The following MICU3 variants were observed in gnomAD, a reference collection of about 807,000 sequenced individuals.
MICU3 encodes the protein calcium uptake protein 3, mitochondrial.
A neutral mutation model predicts 66.5 loss-of-function variants in MICU3; 62 were observed. The observed-to-expected ratio is 0.93, with a 90% CI of 0.76 to 1.15. MICU3 has a LOEUF of 1.15. MICU3 is among the 50% of genes most tolerant of loss of function. MICU3 has a pLI of 0.00. For missense variants in MICU3, 779 were observed against 664.4 expected (o/e 1.17, Z -1.90); for synonymous variants, 308 against 240.7 (o/e 1.28, Z -2.59).
intron 1 of MICU3, among the ~76,000 whole-genome samples, chr8:17,036,397 G>A (rs1055259158): frequency 1.2e-4 from 19 of 152,200 alleles, no homozygotes; most frequent in African/African-American, 3.4e-4. Context: ...AAGGGGACCC[G>A]AGCGGGTTGC....
chr8:17,063,051 T>C (rs2150626118), intron 1 of MICU3, among the ~76,000 whole-genome samples: 1 of 152,252 alleles, frequency 6.6e-6, no homozygotes, highest in African/African-American at 2.4e-5. Flanking sequence ...TATTATACAG[T>C]TAACAAAAAT....
chr8:17,075,397 G>A (rs931995515), intron 3 of MICU3, among the ~76,000 whole-genome samples: 2 of 152,162 alleles, frequency 1.3e-5, no homozygotes, highest in South Asian at 4.2e-4. Flanking sequence ...ATTCTTTCTG[G>A]TAAGCAGTTC....
the MICU3 span, among the ~76,000 whole-genome samples, chr8:17,136,334 C>T: frequency 6.6e-6 from 1 of 151,956 alleles, no homozygotes; most frequent in Non-Finnish European, 1.5e-5. Flanking sequence ...TATTGTAAAG[C>T]GATGTTGTTT....
intron 1 of MICU3, among the ~76,000 whole-genome samples, chr8:17,058,160 T>G (rs946723414): frequency 2.6e-5 from 4 of 152,236 alleles, no homozygotes; most frequent in East Asian, 3.8e-4. Context: ...AAGTTTTTAC[T>G]GCATTGGCAA....
chr8:17,060,641 A>C (rs879666837), intron 1 of MICU3, among the ~76,000 whole-genome samples: 1 of 152,028 alleles, frequency 6.6e-6, no homozygotes, highest in African/African-American at 2.4e-5. Flanking sequence ...TCCATTTTTC[A>C]TCTGAGTGGT....
intron 14 of MICU3, among the ~76,000 whole-genome samples, chr8:17,119,674 A>G (rs1803042664): frequency 6.6e-6 from 1 of 152,182 alleles, no homozygotes; most frequent in Non-Finnish European, 1.5e-5. Flanking sequence ...AACTGGTTAA[A>G]TAAGTTTCTT....
At chr8:17,047,439 C>T (rs1237107656) in intron 1 of MICU3, among the ~76,000 whole-genome samples, 2 of 152,140 alleles carry the variant, frequency 1.3e-5, no homozygotes, top group Non-Finnish European at 2.9e-5. Context: ...ATGAGAAAGG[C>T]AGTATCCCAA....
At chr8:17,084,284 G>A (rs908996811) in intron 5 of MICU3, among the ~76,000 whole-genome samples, 2 of 152,036 alleles carry the variant, frequency 1.3e-5, no homozygotes, top group African/African-American at 4.8e-5. Flanking sequence ...TATTAGAGAT[G>A]TTGTAAATTT....
At chr8:17,113,409 A>G (rs1161716109) in intron 11 of MICU3, among the ~76,000 whole-genome samples, 1 of 152,254 alleles carries the variant, frequency 6.6e-6, no homozygotes, top group Non-Finnish European at 1.5e-5. Flanking sequence ...CAACTGAAGT[A>G]ACAGCAGTGG....
At chr8:17,107,621 A>C (rs1585533998) in intron 11 of MICU3, among the ~76,000 whole-genome samples, 1 of 152,198 alleles carries the variant, frequency 6.6e-6, no homozygotes, top group Non-Finnish European at 1.5e-5. Context: ...GTATTGGAAC[A>C]CAGCCATTCT....
At chr8:17,130,035 A>T in the MICU3 span, among the ~76,000 whole-genome samples, 1 of 152,214 alleles carries the variant, frequency 6.6e-6, no homozygotes, top group African/African-American at 2.4e-5. Flanking sequence ...AATAATGGTT[A>T]TATAAAGACA....
At chr8:17,038,516 T>C (rs1237001532) in intron 1 of MICU3, among the ~76,000 whole-genome samples, 1 of 152,218 alleles carries the variant, frequency 6.6e-6, no homozygotes, top group East Asian at 1.9e-4. Context: ...GTCTCGGGTA[T>C]GTATTTATTA....
At chr8:17,035,283 G>A (rs1812771930) in intron 1 of MICU3, among the ~76,000 whole-genome samples, 1 of 152,200 alleles carries the variant, frequency 6.6e-6, no homozygotes. Context: ...ATGGATACTG[G>A]TAGAGGGGGG....
intron 1 of MICU3, among the ~76,000 whole-genome samples, chr8:17,054,767 T>A (rs1326715486): frequency 5.0e-5 from 7 of 139,078 alleles, no homozygotes; most frequent in Non-Finnish European, 9.2e-5. Context: ...TGAGACAGAG[T>A]CTTGCTCTGT....
At chr8:17,107,673 A>G (rs913498583) in intron 11 of MICU3, among the ~76,000 whole-genome samples, 4 of 152,182 alleles carry the variant, frequency 2.6e-5, no homozygotes, top group African/African-American at 9.7e-5. Context: ...TTACACTATA[A>G]TGGTAAAGTT....
chr8:17,045,111 A>G (rs957422600), intron 1 of MICU3, among the ~76,000 whole-genome samples: 1 of 152,114 alleles, frequency 6.6e-6, no homozygotes, highest in Non-Finnish European at 1.5e-5. Context: ...TGTTAGATGA[A>G]GCCTATAGTG....
chr8:17,136,499 A>G, the MICU3 span, among the ~76,000 whole-genome samples: 1 of 151,980 alleles, frequency 6.6e-6, no homozygotes, highest in African/African-American at 2.4e-5. Flanking sequence ...GAAATTCTTA[A>G]CAATTTTTAA....
chr8:17,117,023 GCTAGAGTGC>G (rs1227853526), intron 13 of MICU3, among the ~76,000 whole-genome samples: 1 of 152,150 alleles, frequency 6.6e-6, no homozygotes, highest in East Asian at 1.9e-4. Flanking sequence ...TGCCACCCAA[GCTAGAGTGC>G]AGTGGCATGA....
chr8:17,028,648 C>A (rs575641151), intron 1 of MICU3, among the ~76,000 whole-genome samples: 1 of 152,134 alleles, frequency 6.6e-6, no homozygotes, highest in Non-Finnish European at 1.5e-5. Context: ...TGCATCATTT[C>A]CTTTGGTGGA....
Sources: gnomAD v4.1 joint callset for allele counts (sites outside exome capture counted in the v4.1 genomes callset) on GRCh38, gnomAD v4.1.1 for gene constraint, MANE v1.5 for transcripts, NCBI Gene and HGNC (gene_info 2026-07-23, HGNC 2026-07-21) for gene names.